The following FBXL5 variants were observed in gnomAD, a reference collection of about 807,000 sequenced individuals.
FBXL5 encodes F-box and leucine rich repeat protein 5, also known as F-box/LRR-repeat protein 5.
Under a neutral mutation model 78.3 loss-of-function variants are expected in FBXL5, and 26 were observed. The ratio of observed to expected loss-of-function variants is 0.33; its 90% CI spans 0.24 to 0.46. The LOEUF (loss-of-function observed/expected upper bound fraction) is 0.46. Among genes scored for constraint, FBXL5 ranks in the 20% least tolerant of loss-of-function variants. The pLI, the probability that FBXL5 is intolerant of heterozygous loss-of-function variation, is 1.00. For synonymous variants in FBXL5, 295 were observed against 282.5 expected, an observed-to-expected ratio of 1.04 and a Z score of -0.45; for missense variants, 710 against 829.2, an observed-to-expected ratio of 0.86 and a Z score of 1.77.
chr4:15,650,696 C>A (rs1715912327), intron 1 of FBXL5, among the ~76,000 whole-genome samples: 2 of 115,198 alleles, frequency 1.7e-5, no homozygotes, highest in Admixed American at 1.2e-4. Context: ...GAGACAGAGT[C>A]TCACTCTGTC....
At chr4:15,620,200 G>A (rs904666701) in intron 9 of FBXL5, among the ~76,000 whole-genome samples, 7 of 151,972 alleles carry the variant, frequency 4.6e-5, no homozygotes, top group Non-Finnish European at 5.9e-5. Context: ...TAGCATCAAA[G>A]AAAATAAAAT....
At chr4:15,648,613 G>C (rs1179434807) in intron 1 of FBXL5, among the ~76,000 whole-genome samples, 1 of 152,206 alleles carries the variant, frequency 6.6e-6, no homozygotes, top group Non-Finnish European at 1.5e-5. Flanking sequence ...AAATAAGCCA[G>C]AGACAGAGAG....
intron 5 of FBXL5, among the ~76,000 whole-genome samples, chr4:15,633,135 C>T (rs1020850197): frequency 1.3e-4 from 20 of 152,120 alleles, no homozygotes; most frequent in East Asian, 5.8e-4. Flanking sequence ...GTTCGATTAA[C>T]GATAATAATC....
intron 5 of FBXL5, 80 bp from the exon 6 acceptor site, chr4:15,630,871 T>C (rs557561974): frequency 2.7e-5 from 42 of 1,539,358 alleles, no homozygotes; most frequent in Non-Finnish European, 3.5e-5. Context: ...CTATTTACGA[T>C]AAAAATCTCT....
At chr4:15,662,972 G>A (rs1439739353), upstream of FBXL5, among the ~76,000 whole-genome samples, 1 of 152,200 alleles carries the variant, frequency 6.6e-6, no homozygotes, top group Non-Finnish European at 1.5e-5. Flanking sequence ...TTGACCTAGT[G>A]TGCAGGGTAA....
chr4:15,656,454 T>C (rs1329260193), upstream of FBXL5: 7 of 352,712 alleles, frequency 2.0e-5, no homozygotes, highest in African/African-American at 1.5e-4. Flanking sequence ...ATATGCTGTG[T>C]TCACCCTTGT....
chr4:15,668,422 A>G lies in FBXL5; in HGVS notation c.-283-8500T>C, dbSNP rs575739078. ...AAACAGAGAAAAGTGTTGAGTTTTT[A>G]AACAGCAGATTTTGACTTTATTCAA... is the stretch of plus-strand genomic sequence containing the variant. On this transcript the variant is annotated intron_variant, in intron 1 of 4. Coordinates refer to the FBXL5 transcript ENST00000507899. Among the ~76,000 whole-genome samples, 10 of 152,234 alleles carry G rather than the reference A, an allele frequency of 6.6e-5. No individual in the cohort carries two copies. The South Asian group carries it at 2.1e-3, about 32-fold the overall frequency.
intron 1 of FBXL5, among the ~76,000 whole-genome samples, chr4:15,645,172 C>T (rs920199059): frequency 1.3e-5 from 2 of 151,918 alleles, no homozygotes; most frequent in Admixed American, 1.3e-4. Flanking sequence ...TAAAATGGAA[C>T]ATAATCTAAG....
chr4:15,627,901 G>A lies in FBXL5; in HGVS notation c.1025C>T (p.Ala342Val). The A allele has an allele frequency of 6.2e-7, 1 of 1,611,676 alleles. No homozygotes were observed. ...TAAACATACCATTTTGCTGGAAACT[G>A]CAGAGCTGTATGCTAATACTAAGGT... ...VKTLVLAYSS[A>V]VSSKMVRQIL... The change falls in exon 7 of 11, where the codon GCA (alanine) becomes GTA (valine). Residue 342 changes from alanine to valine, a missense_variant. Coordinates refer to ENST00000341285, the MANE Select transcript of FBXL5 (RefSeq NM_012161.4).
chr4:15,616,897 T>C (rs1465545124), intron 9 of FBXL5, among the ~76,000 whole-genome samples: 1 of 152,228 alleles, frequency 6.6e-6, no homozygotes, highest in Non-Finnish European at 1.5e-5. Flanking sequence ...ACTCAGTTTT[T>C]CAGCTGTCTC....
intron 5 of FBXL5, among the ~76,000 whole-genome samples, chr4:15,634,411 G>A (rs923454122): frequency 1.3e-5 from 2 of 152,028 alleles, no homozygotes; most frequent in Non-Finnish European, 2.9e-5. Flanking sequence ...CTGTTGCCCA[G>A]GCTGGAGTGC....
intron 1 of FBXL5, among the ~76,000 whole-genome samples, chr4:15,674,806 T>C (rs1256990084): frequency 6.6e-6 from 1 of 152,018 alleles, no homozygotes; most frequent in African/African-American, 2.4e-5. Context: ...CATGCCACCA[T>C]GCCTGGCTAA....
At chr4:15,607,319 G>T (rs1329066200) in intron 10 of FBXL5, among the ~76,000 whole-genome samples, 1 of 152,058 alleles carries the variant, frequency 6.6e-6, no homozygotes, top group African/African-American at 2.4e-5. Flanking sequence ...TAAATATAAA[G>T]TTGAATTACT....
At chr4:15,666,876 A>C (rs973177901) in intron 1 of FBXL5, among the ~76,000 whole-genome samples, 2 of 152,180 alleles carry the variant, frequency 1.3e-5, no homozygotes, top group Admixed American at 6.5e-5. Context: ...ACCATTAAAA[A>C]AAAAAAGACA....
intron 2 of FBXL5, among the ~76,000 whole-genome samples, chr4:15,642,630 T>C (rs189468833): frequency 6.6e-6 from 1 of 152,246 alleles, no homozygotes; most frequent in African/African-American, 2.4e-5. Context: ...CTTCCCAATA[T>C]TCAGTCTAAT....
intron 10 of FBXL5, among the ~76,000 whole-genome samples, chr4:15,610,802 T>C (rs1192044943): frequency 1.3e-5 from 2 of 152,038 alleles, no homozygotes; most frequent in African/African-American, 4.8e-5. Flanking sequence ...GAAATCAATA[T>C]GAAAAATTCA....
intron 1 of FBXL5, among the ~76,000 whole-genome samples, chr4:15,672,274 G>A (rs1264121606): frequency 6.6e-6 from 1 of 152,190 alleles, no homozygotes; most frequent in East Asian, 1.9e-4. Flanking sequence ...AGTCTGTCTT[G>A]TGGAAACAGC....
chr4:15,633,240 G>A (rs1017966106), intron 5 of FBXL5, among the ~76,000 whole-genome samples: 5 of 152,192 alleles, frequency 3.3e-5, no homozygotes, highest in East Asian at 3.8e-4. Context: ...AGTCTGCTAT[G>A]TACCTGCTAT....
At chr4:15,660,807 G>T (rs113017270), upstream of FBXL5, among the ~76,000 whole-genome samples, 1 of 152,294 alleles carries the variant, frequency 6.6e-6, no homozygotes, top group East Asian at 1.9e-4. Flanking sequence ...GGCCCAGCAC[G>T]GTGGCTCACG....
Sources: gnomAD v4.1 joint callset for allele counts (sites outside exome capture counted in the v4.1 genomes callset) on GRCh38, gnomAD v4.1.1 for gene constraint, MANE v1.5 for transcripts, NCBI Gene and HGNC (gene_info 2026-07-23, HGNC 2026-07-21) for gene names.